The following PRDM15 variants were observed in gnomAD, a reference collection of about 807,000 sequenced individuals.
PRDM15 encodes the protein PR/SET domain 15, also known as PR domain zinc finger protein 15.
A neutral mutation model predicts 128.6 loss-of-function variants in PRDM15; 64 were observed. That is an observed-to-expected ratio of 0.50 (90% CI 0.41 to 0.61). The LOEUF is 0.61. Among genes scored for constraint, PRDM15 ranks in the 20% least tolerant of loss-of-function variants. The pLI is 0.00. For missense variants in PRDM15, 1,242 were observed against 1,569.1 expected, an observed-to-expected ratio of 0.79 and a Z score of 3.52; for synonymous variants, 615 against 621.8, an observed-to-expected ratio of 0.99 and a Z score of 0.16.
intron 1 of PRDM15, among the ~76,000 whole-genome samples, chr21:41,875,296 C>T (rs2064372111): frequency 6.6e-6 from 1 of 152,280 alleles, no homozygotes; most frequent in African/African-American, 2.4e-5. Flanking sequence ...CCCCAACTCC[C>T]AAGCCGGCAT....
At chr21:41,813,176 A>G (rs1381258421) in intron 19 of PRDM15, 1 of 152,208 alleles carries the variant, frequency 6.6e-6, no homozygotes, top group Non-Finnish European at 1.5e-5. Context: ...CAAGACAAGT[A>G]ATTTTTAAAG....
At chr21:41,803,523 A>G (rs887612136) in intron 22 of PRDM15, among the ~76,000 whole-genome samples, 1 of 152,204 alleles carries the variant, frequency 6.6e-6, no homozygotes, top group African/African-American at 2.4e-5. Flanking sequence ...GCCGCGGGGC[A>G]GTGGTGGCCG....
chr21:41,824,354 GAC>G (rs970921892), intron 13 of PRDM15, among the ~76,000 whole-genome samples: 5 of 152,218 alleles, frequency 3.3e-5, no homozygotes, highest in African/African-American at 1.2e-4. Flanking sequence ...AGCAGGAGAG[GAC>G]AGAGTCTGCA....
At position 41,801,671 on chromosome 21, in the gene PRDM15, C is replaced by T. The variant is rs761322637; in HGVS notation, c.2995G>A (p.Gly999Ser). The T allele has an allele frequency of 1.4e-5, 23 of 1,613,958 alleles. No homozygotes were observed. The highest frequency in any genetic ancestry group is 8.3e-5 in the Admixed American group (5 of 59,990). The change falls in exon 24 of 24, where the codon GGC (glycine) becomes AGC (serine). Residue 999 changes from glycine to serine, a missense_variant. This residue lies in a region of PRDM15 where 602 missense variants were observed against 788.3 expected (regional missense o/e 0.76). Coordinates refer to ENST00000398548, the MANE Select transcript of PRDM15 (RefSeq NM_001040424.3). ...PNVTTPSSSV[G>S]LTNITVTPIT... Reference sequence around the variant, plus strand: ...GGGGTCACGGTGATGTTGGTTAAGCCGACTGAGCTCGATGGTGTGGTCACA... The same window carrying T: ...GGGGTCACGGTGATGTTGGTTAAGCTGACTGAGCTCGATGGTGTGGTCACA...
chr21:41,810,226 G>A lies in PRDM15; in HGVS notation c.2580C>T (p.Ser860=), dbSNP rs781121169. Residue 860 remains serine (S), a synonymous_variant, in exon 21 of 24, where the codon AGC becomes AGT. Transcript: ENST00000398548. This position sits in a 1 kb window ranked among gnomAD's most constrained non-coding sequence, Gnocchi z 6.4. ...ACACCTTGGTCCCGCACAGCTGGCA[G>A]CTCTGCGCCTCCACCTTGTCGTGTG... ...QLTHDKVEAQ[S]CQLCGTKVST... 6.2e-7 allele frequency: 1 copy of A among 1,613,176 alleles called. No individual in the cohort carries two copies. The highest frequency in any genetic ancestry group is 1.1e-5 in the South Asian group (1 of 90,990).
intron 13 of PRDM15, 77 bp downstream of exon 13, chr21:41,825,883 G>T: frequency 8.7e-7 from 1 of 1,149,504 alleles, no homozygotes; most frequent in Non-Finnish European, 1.3e-6. Flanking sequence ...TATTCTATAA[G>T]TACAGCTCAT....
intron 21 of PRDM15, among the ~76,000 whole-genome samples, chr21:41,809,643 T>C (rs778582306): frequency 1.7e-4 from 26 of 152,226 alleles, no homozygotes; most frequent in Non-Finnish European, 1.6e-4. Context: ...CTCTTTTCTG[T>C]GACCTGACAA....
At chr21:41,875,809 G>A (rs898765208) in intron 1 of PRDM15, among the ~76,000 whole-genome samples, 9 of 152,222 alleles carry the variant, frequency 5.9e-5, no homozygotes, top group African/African-American at 2.2e-4. Context: ...CCATAGGGCT[G>A]TGCTAACGTC....
intron 14 of PRDM15, 39 bp from the exon 15 acceptor site, chr21:41,822,076 G>A (rs2146400981): frequency 6.2e-7 from 1 of 1,611,352 alleles, no homozygotes; most frequent in Non-Finnish European, 8.5e-7. Flanking sequence ...TAACAGCGCA[G>A]CAGACGCTTC....
At position 41,819,909 on chromosome 21, in the gene PRDM15, G is replaced by A. The variant is rs890436386; in HGVS notation, c.2140+186C>T. The A allele has an allele frequency of 1.8e-5, 14 of 772,450 alleles. No individual in the cohort carries two copies. The Admixed American group carries it at 3.3e-4, about 18-fold the overall frequency. The allele number at this position is 772,450 out of a possible 1,614,324, so 47.8% of individuals were successfully genotyped here. A position where few individuals can be genotyped will look rare whatever the true frequency, so the allele number is the denominator to read the frequency against. On this transcript the variant is annotated intron_variant, in intron 17 of 23. Coordinates refer to ENST00000398548, the MANE Select transcript of PRDM15 (RefSeq NM_001040424.3). ...CCCTGAGGACCTGGAGGGGTGAGGG[G>A]GCTGGGGGCGCTGGGCTGTGAGTGG...
chr21:41,821,921 G>A lies in PRDM15; in HGVS notation c.1878C>T (p.Tyr626=). The change falls in exon 15 of 24, where the codon TAC becomes TAT. Residue 626 remains tyrosine (Y), a synonymous_variant. Transcript: ENST00000398548. This position sits in a 1 kb window ranked among gnomAD's most constrained non-coding sequence, Gnocchi z 5.4. ...GCCATACCTGGCACCGCTTGCAGCT[G>A]TACTTGTGAGGCTCCGAGTCTGCGC... ...DESADSEPHK[Y]SCKRCQLTFG... is the part of the protein sequence containing the mutation. 9 of 1,614,162 alleles carry A rather than the reference G, an allele frequency of 5.6e-6. No individual in the cohort carries two copies. Among genetic ancestry groups the A allele is most frequent in the African/African-American group, 1.3e-5 (1 of 75,076 alleles).
Position 41,854,457 on chromosome 21 carries a change from C to T in PRDM15, c.538+109G>A, listed in dbSNP as rs2063516780. Reference sequence around the variant, plus strand: ...CACTCTCCGCATCCCAGCAGCTGGCCCAGCCCAACCCATCTCATCAGTGTG... The same window carrying T: ...CACTCTCCGCATCCCAGCAGCTGGCTCAGCCCAACCCATCTCATCAGTGTG... On this transcript the variant is annotated intron_variant, in intron 5 of 23. Coordinates refer to ENST00000398548, the MANE Select transcript of PRDM15 (RefSeq NM_001040424.3). This position sits in a 1 kb window ranked among gnomAD's most constrained non-coding sequence, Gnocchi z 4.6. 7.1e-7 allele frequency: 1 copy of T among 1,412,102 alleles called. No individual in the cohort carries two copies. The highest frequency in any genetic ancestry group is 2.5e-5 in the East Asian group (1 of 40,362). The allele number at this position is 1,412,102 out of a possible 1,614,324, so 87.5% of individuals were successfully genotyped here. A position where few individuals can be genotyped will look rare whatever the true frequency, so the allele number is the denominator to read the frequency against.
chr21:41,809,389 T>C (rs577023464), intron 21 of PRDM15, among the ~76,000 whole-genome samples: 2 of 152,118 alleles, frequency 1.3e-5, no homozygotes, highest in South Asian at 4.2e-4. Flanking sequence ...CCCACCACCA[T>C]GCCCAGCTAA....
chr21:41,823,267 C>G (rs1352580708), intron 14 of PRDM15, 51 bp downstream of exon 14: 2 of 1,592,128 alleles, frequency 1.3e-6, no homozygotes, highest in Non-Finnish European at 1.7e-6. Flanking sequence ...AGACGCTGGC[C>G]TGGGGGCCTG....
rs2061860421 is a variant in PRDM15, at chr21:41,811,485, A to C, written c.2393-649T>G. 1 of 152,186 alleles carries C rather than the reference A, an allele frequency of 6.6e-6. No individual in the cohort carries two copies. Among genetic ancestry groups the C allele is most frequent in the Admixed American group, 6.6e-5 (1 of 15,258 alleles). The allele number at this position is 152,186 out of a possible 1,614,324, so 9.4% of individuals were successfully genotyped here. ...TCTCTACAAAAATAAAATAAAATAA[A>C]ATAAAATAAAATAACCAGCCGGGCA... On this transcript the variant is annotated intron_variant, in intron 19 of 23. Transcript: ENST00000398548. This position sits in a 1 kb window ranked among gnomAD's most constrained non-coding sequence, Gnocchi z 4.1.
At chr21:41,843,709 G>A (rs967210076) in intron 6 of PRDM15, among the ~76,000 whole-genome samples, 5 of 152,194 alleles carry the variant, frequency 3.3e-5, no homozygotes, top group African/African-American at 1.2e-4. Context: ...TGAGGCCACC[G>A]TCAGTATGGG....
At chr21:41,805,131 C>T (rs1254252190) in intron 21 of PRDM15, among the ~76,000 whole-genome samples, 2 of 152,178 alleles carry the variant, frequency 1.3e-5, no homozygotes, top group South Asian at 2.1e-4. Flanking sequence ...CCCCACTGAA[C>T]GGGGTCCTCA....
Position 41,859,501 on chromosome 21 carries a change from C to G in PRDM15, c.131+91G>C. On this transcript the variant is annotated intron_variant, in intron 3 of 23. Transcript: ENST00000398548. This position sits in a 1 kb window ranked among gnomAD's most constrained non-coding sequence, Gnocchi z 5.3. The stretch of plus-strand genomic sequence containing the variant: ...CAGAGTGCCTCTGTTCTCCCTCAGG[C>G]TCCTTCCTCCCCGTCTGCAGACCCA... 1.9e-6 allele frequency: 2 copies of G among 1,027,540 alleles called. No homozygotes were observed. The highest frequency in any genetic ancestry group is 2.9e-6 in the Non-Finnish European group (2 of 687,312). The allele number at this position is 1,027,540 out of a possible 1,614,324, so 63.7% of individuals were successfully genotyped here.
Position 41,832,836 on chromosome 21 carries a change from C to T in PRDM15, c.1366+2601G>A, listed in dbSNP as rs1022333268. On this transcript the variant is annotated intron_variant, in intron 11 of 23. Transcript: ENST00000398548. The surrounding 1 kb of genome is among the most constrained non-coding windows in gnomAD (Gnocchi z 4.2). ...TCAGCTTTCTCCCTCACAAGCCCCTCGTGACCATGGAAAGAGAACCTACTT... is the reference window on the plus strand; with the variant it reads ...TCAGCTTTCTCCCTCACAAGCCCCTTGTGACCATGGAAAGAGAACCTACTT... 6.6e-6 allele frequency among the ~76,000 whole-genome samples: 1 copy of T among 152,188 alleles called. No homozygotes were observed. Among genetic ancestry groups the T allele is most frequent in the Non-Finnish European group, 1.5e-5 (1 of 68,030 alleles).
Sources: gnomAD v4.1 joint callset for allele counts (sites outside exome capture counted in the v4.1 genomes callset) on GRCh38, gnomAD v4.1.1 for gene constraint, gnomAD v4.1.1 regional missense constraint, Gnocchi (gnomAD v3.1) non-coding constraint, MANE v1.5 for transcripts, NCBI Gene and HGNC (gene_info 2026-07-23, HGNC 2026-07-21) for gene names.